The following SCAPER variants were observed in gnomAD, a reference collection of about 807,000 sequenced individuals.
The protein encoded by SCAPER is S phase cyclin A-associated protein in the endoplasmic reticulum.
SCAPER carries 98 observed loss-of-function variants against 182.2 expected under a neutral mutation model. The observed-to-expected ratio is 0.54, with a 90% CI of 0.46 to 0.64. The LOEUF is 0.64. Among genes scored for constraint, SCAPER ranks in the 30% least tolerant of loss-of-function variants. The pLI, the probability that SCAPER is intolerant of heterozygous loss-of-function variation, is 0.00. For missense variants in SCAPER, 1,432 were observed against 1,690.0 expected (o/e 0.85, Z 2.68); for synonymous variants, 605 against 564.6 (o/e 1.07, Z -1.01).
chr15:76,374,478 G>A (rs1008855196), intron 29 of SCAPER, among the ~76,000 whole-genome samples: 3 of 149,906 alleles, frequency 2.0e-5, no homozygotes, highest in African/African-American at 7.4e-5. Flanking sequence ...AAGGTTGGCT[G>A]AGTAGGGGGC....
At chr15:76,857,734 A>C in intron 4 of SCAPER, 75 bp downstream of exon 4, 1 of 975,536 alleles carries the variant, frequency 1.0e-6, no homozygotes, top group Non-Finnish European at 1.5e-6. Context: ...CTGCAAAATA[A>C]GATTTTCATA....
rs2064396335 is a variant in SCAPER at position 76,784,190 on chromosome 15, A to G, written c.773-9073T>C. ...TGATAAGCAACTTCAGCAAAGCCTCAGGATATAAAATCAAGGTGCGAAAAC... is the reference window on the plus strand; with the variant it reads ...TGATAAGCAACTTCAGCAAAGCCTCGGGATATAAAATCAAGGTGCGAAAAC... On this transcript the variant is annotated intron_variant, in intron 8 of 31. Transcript: ENST00000563290. Among the ~76,000 whole-genome samples, 3 of 152,358 alleles carry G rather than the reference A, an allele frequency of 2.0e-5. No individual in the cohort carries two copies. The South Asian group carries it at 6.2e-4, about 32-fold the overall frequency.
chr15:76,552,919 T>C (rs573119469), intron 23 of SCAPER, among the ~76,000 whole-genome samples: 1 of 152,288 alleles, frequency 6.6e-6, no homozygotes, highest in South Asian at 2.1e-4. Context: ...CTGGGCCGCT[T>C]CCAATGTTCA....
chr15:76,652,518 T>TAC (rs71143350), intron 21 of SCAPER, among the ~76,000 whole-genome samples: 32,006 of 88,646 alleles, frequency 0.36, 6,114 homozygotes, highest in Non-Finnish European at 0.43. Flanking sequence ...TTTACATACA[T>TAC]ACACACACAC....
chr15:76,491,147 ACT>A (rs1246013770), intron 24 of SCAPER, among the ~76,000 whole-genome samples: 4 of 152,048 alleles, frequency 2.6e-5, no homozygotes, highest in African/African-American at 4.8e-5. Context: ...AGATTTTTGG[ACT>A]CTCTGTTCTG....
chr15:76,858,318 GA>G (rs1203060094), intron 3 of SCAPER, among the ~76,000 whole-genome samples: 1 of 152,052 alleles, frequency 6.6e-6, no homozygotes, highest in East Asian at 1.9e-4. Context: ...TGTTTTATCT[GA>G]TATATGAAAT....
intron 24 of SCAPER, among the ~76,000 whole-genome samples, chr15:76,483,295 CAA>C (rs61261703): frequency 0.036 from 4,824 of 132,966 alleles, 200 homozygotes; most frequent in African/African-American, 0.11. Context: ...TATTCACATG[CAA>C]AAAAAAAAAA....
intron 21 of SCAPER, among the ~76,000 whole-genome samples, chr15:76,643,512 T>C (rs1208772677): frequency 2.0e-5 from 3 of 151,672 alleles, no homozygotes; most frequent in African/African-American, 7.3e-5. Flanking sequence ...TGAAACCCCG[T>C]CTCTACTAAA....
intron 26 of SCAPER, among the ~76,000 whole-genome samples, chr15:76,405,954 T>C (rs1156854464): frequency 6.6e-6 from 1 of 152,188 alleles, no homozygotes; most frequent in Non-Finnish European, 1.5e-5. Flanking sequence ...TACAAAATAG[T>C]GCCTCCTTTC....
At chr15:76,874,265 GATA>G (rs2072991578) in intron 2 of SCAPER, among the ~76,000 whole-genome samples, 1 of 152,086 alleles carries the variant, frequency 6.6e-6, no homozygotes, top group Non-Finnish European at 1.5e-5. Flanking sequence ...TTAGTTAAAT[GATA>G]ATAAAATGAT....
At chr15:76,453,253 C>G (rs2048500145) in intron 25 of SCAPER, among the ~76,000 whole-genome samples, 1 of 152,204 alleles carries the variant, frequency 6.6e-6, no homozygotes, top group South Asian at 2.1e-4. Flanking sequence ...ATTCATCAGT[C>G]AGGAAATGAA....
chr15:76,796,437 G>C (rs2065335159), intron 7 of SCAPER, among the ~76,000 whole-genome samples: 1 of 152,076 alleles, frequency 6.6e-6, no homozygotes, highest in Non-Finnish European at 1.5e-5. Context: ...TTTAAATTAT[G>C]AGTTAAAATA....
rs73455385 is a variant in SCAPER at position 76,875,200 on chromosome 15, T to C, written c.6+8612A>G. On this transcript the variant is annotated intron_variant, in intron 2 of 31. Transcript: ENST00000563290. Reference sequence around the variant, plus strand: ...AAGCAACAAATTACATTAAATTTTCTAGAGAATAAAGAAGAAAAAACACAT... The same window carrying C: ...AAGCAACAAATTACATTAAATTTTCCAGAGAATAAAGAAGAAAAAACACAT... Among the ~76,000 whole-genome samples, 662 of 152,238 alleles carry C rather than the reference T, an allele frequency of 4.3e-3. 7 individuals carry two copies. Among genetic ancestry groups the C allele is most frequent in the African/African-American group, 0.015 (630 of 41,534 alleles).
intron 29 of SCAPER, among the ~76,000 whole-genome samples, chr15:76,356,928 C>G (rs557706656): frequency 6.6e-6 from 1 of 152,262 alleles, no homozygotes; most frequent in East Asian, 1.9e-4. Context: ...CAGAGTAGGG[C>G]TCTGAGGAAA....
chr15:76,573,464 ATAGAAAAT>A (rs970464860), intron 23 of SCAPER, among the ~76,000 whole-genome samples: 1 of 152,152 alleles, frequency 6.6e-6, no homozygotes, highest in Non-Finnish European at 1.5e-5. Flanking sequence ...ATTACTTTAA[ATAGAAAAT>A]TAGAAACCAC....
chr15:76,706,181 T>C (rs968444984), intron 17 of SCAPER, among the ~76,000 whole-genome samples, 197 bp from the exon 18 acceptor site: 8 of 152,214 alleles, frequency 5.3e-5, no homozygotes, highest in Non-Finnish European at 2.9e-5. Flanking sequence ...TTATCAGTTA[T>C]GAAATGGGTT....
rs574787808 is a variant in SCAPER at position 76,513,087 on chromosome 15, C to T, written c.2839-8113G>A. ...CACATCAAGCCCTATTCATCCATCA[C>T]CTCTGCCGTACCTCATGGCCCCATT... On this transcript the variant is annotated intron_variant, in intron 23 of 31. Coordinates refer to ENST00000563290, the MANE Select transcript of SCAPER (RefSeq NM_020843.4). Among the ~76,000 whole-genome samples the T allele has an allele frequency of 2.0e-5, 3 of 152,248 alleles. No homozygotes were observed. In the East Asian group the frequency reaches 5.8e-4, roughly 29 times the overall value.
intron 20 of SCAPER, among the ~76,000 whole-genome samples, chr15:76,678,987 A>G (rs915611376): frequency 7.9e-5 from 12 of 152,192 alleles, no homozygotes; most frequent in Admixed American, 4.6e-4. Context: ...CTTTTCATAG[A>G]TGATCACTCA....
At chr15:76,776,840 T>C (rs535294797) in intron 8 of SCAPER, among the ~76,000 whole-genome samples, 29 of 152,256 alleles carry the variant, frequency 1.9e-4, no homozygotes, top group African/African-American at 7.0e-4. Flanking sequence ...TCTCAGAACC[T>C]GTGAGACAAT....
Sources: allele counts gnomAD v4.1 joint callset (sites outside exome capture counted in the v4.1 genomes callset), GRCh38; gene constraint gnomAD v4.1.1; transcripts MANE v1.5; gene names NCBI Gene and HGNC (gene_info 2026-07-23, HGNC 2026-07-21).